Variants in COA6 observed in about 807,000 individuals in gnomAD.
The protein encoded by COA6 is cytochrome c oxidase assembly factor 6 homolog.
Under a neutral mutation model 17.1 loss-of-function variants are expected in COA6, and 12 were observed. That is an observed-to-expected ratio of 0.70 (90% CI 0.45 to 1.14). The LOEUF is 1.14. Among genes scored for constraint, COA6 ranks in the 50% most tolerant of loss-of-function variants. The pLI, the probability that COA6 is intolerant of heterozygous loss-of-function variation, is 0.00. For synonymous variants in COA6, 90 were observed against 73.4 expected, an observed-to-expected ratio of 1.23 and a Z score of -1.16; for missense variants, 246 against 196.5, an observed-to-expected ratio of 1.25 and a Z score of -1.51.
intron 2 of COA6, among the ~76,000 whole-genome samples, chr1:234,376,754 A>G (rs1371049592): frequency 1.3e-5 from 2 of 152,138 alleles, no homozygotes; most frequent in Non-Finnish European, 2.9e-5. Flanking sequence ...CAGTTCCTTC[A>G]TTCGCGTCTA....
chr1:234,378,452 T>A (rs1228694242), intron 2 of COA6, among the ~76,000 whole-genome samples: 1 of 152,164 alleles, frequency 6.6e-6, no homozygotes, highest in Non-Finnish European at 1.5e-5. Flanking sequence ...CAGGTTTAAG[T>A]AGGATGGTCA....
At chr1:234,378,864 CTGGT>C (rs922489978) in intron 2 of COA6, among the ~76,000 whole-genome samples, 1 of 151,186 alleles carries the variant, frequency 6.6e-6, no homozygotes, top group African/African-American at 2.4e-5. Flanking sequence ...GTACAAGACT[CTGGT>C]TTTTTTTTCT....
At position 234,383,805 on chromosome 1, in the gene COA6, C is replaced by T; in HGVS notation, c.455C>T (p.Thr152Ile). ...EAGQFEPSETTAKS is the reference protein window; with the variant it reads ...EAGQFEPSETIAKS ...GGACAATTTGAGCCTTCAGAAACAACTGCAAAATCCTAGGCTGTTCATAAA... is the reference window on the plus strand; with the variant it reads ...GGACAATTTGAGCCTTCAGAAACAATTGCAAAATCCTAGGCTGTTCATAAA... Residue 152 changes from threonine (T) to isoleucine (I), a missense_variant, in exon 3 of 3, where the codon ACT becomes ATT. By Grantham distance (89) the Thr-to-Ile change is moderately conservative. Transcript: ENST00000366615. 2.6e-6 allele frequency: 4 copies of T among 1,557,908 alleles called. No homozygotes were observed. The highest frequency in any genetic ancestry group is 3.5e-6 in the Non-Finnish European group (4 of 1,132,466).
At chr1:234,376,790 T>G (rs974443447) in intron 2 of COA6, among the ~76,000 whole-genome samples, 2 of 152,196 alleles carry the variant, frequency 1.3e-5, no homozygotes, top group African/African-American at 4.8e-5. Context: ...TGGAATGCCT[T>G]GCTGTGAGTC....
At position 234,373,609 on chromosome 1, in the gene COA6, G is replaced by C; in HGVS notation, c.143G>C (p.Arg48Pro). ...GRTRHRALHR[R>P]LVACVTVSSR... ...ACTCGGCACCGCGCCCTCCACCGCC[G>C]GTTGGTGGCCTGCGTGACAGTTTCC... is the stretch of plus-strand genomic sequence containing the variant. The change falls in exon 1 of 3, where the codon CGG becomes CCG. Residue 48 changes from arginine to proline, a missense_variant. Transcript: ENST00000366615. 1.2e-6 allele frequency: 2 copies of C among 1,612,784 alleles called. No individual in the cohort carries two copies. The highest frequency in any genetic ancestry group is 1.7e-6 in the Non-Finnish European group (2 of 1,179,636).
intron 2 of COA6, among the ~76,000 whole-genome samples, chr1:234,383,064 G>GAGGAGGGAGGGAAGGAAGGGA (rs1659023132): frequency 8.9e-6 from 1 of 112,426 alleles, no homozygotes; most frequent in Non-Finnish European, 1.9e-5. Flanking sequence ...GGGAGGGAGG[G>GAGGAGGGAGGGAAGGAAGGGA]AGGGAAGGGA....
chr1:234,374,145 G>A (rs889319898), intron 1 of COA6, 85 bp from the exon 2 acceptor site: 55 of 1,184,654 alleles, frequency 4.6e-5, no homozygotes, highest in Non-Finnish European at 6.3e-5. Context: ...TAAAGGAAGA[G>A]GAGATTGACG....
At position 234,383,998 on chromosome 1, in the gene COA6, TAAG is replaced by T. The variant is rs997038225; in HGVS notation, c.*183_*185del. 2 of 447,226 alleles carry T rather than the reference TAAG, an allele frequency of 4.5e-6. No individual in the cohort carries two copies. The highest frequency in any genetic ancestry group is 4.1e-5 in the African/African-American group (2 of 49,288). The allele number at this position is 447,226 out of a possible 1,614,324, so 27.7% of individuals were successfully genotyped here. A position where few individuals can be genotyped will look rare whatever the true frequency, so the allele number is the denominator to read the frequency against. On this transcript the variant is annotated 3_prime_UTR_variant, in exon 3 of 3. Transcript: ENST00000366615. The stretch of plus-strand genomic sequence containing the variant: ...AGAAATGAAATAAAATGGTATTTAG[TAAG>T]AAATCTCTATTTTAAGAAAAAAAGT...
chr1:234,373,828 C>T, intron 1 of COA6, 150 bp downstream of exon 1: 1 of 1,613,588 alleles, frequency 6.2e-7, no homozygotes. Context: ...ACACCTGTTT[C>T]TACAGCGCTT....
In COA6 at chr1:234,384,971, A is replaced by G. The variant is rs1475657285; in HGVS notation, c.*1153A>G. Among the ~76,000 whole-genome samples the G allele has an allele frequency of 1.4e-4, 21 of 152,218 alleles. No homozygotes were observed. The highest frequency in any genetic ancestry group is 1.4e-3 in the Admixed American group (21 of 15,280). ...TCCAGTACACATAGAAGTTATGTTT[A>G]TACTGTTGTCTAGTAAGTGTGCAAT... On this transcript the variant is annotated 3_prime_UTR_variant, in exon 3 of 3. Transcript: ENST00000366615.
At chr1:234,377,391 C>G (rs144940432) in intron 2 of COA6, among the ~76,000 whole-genome samples, 44 of 152,226 alleles carry the variant, frequency 2.9e-4, no homozygotes, top group African/African-American at 1.0e-3. Context: ...TCCCAAAGTG[C>G]TGGGATTACA....
chr1:234,374,437 G>C lies in COA6; in HGVS notation c.372+48G>C, dbSNP rs772205050. The C allele has an allele frequency of 8.2e-6, 13 of 1,588,148 alleles. No individual in the cohort carries two copies. In the South Asian group the frequency reaches 1.5e-4, roughly 18 times the overall value. ...TCTCTTCCCTGTTAAGATACATCGA[G>C]CTTATACTGTGAGTGGTAGGCTGAC... On this transcript the variant is annotated intron_variant, in intron 2 of 2. Coordinates refer to ENST00000366615, the MANE Select transcript of COA6 (RefSeq NM_001206641.3).
chr1:234,376,103 C>T (rs76476009), intron 2 of COA6, among the ~76,000 whole-genome samples: 3,912 of 152,240 alleles, frequency 0.026, 72 homozygotes, highest in Non-Finnish European at 0.04. Context: ...TAGATAATGA[C>T]TCCAGAAGAA....
At chr1:234,379,844 A>G (rs901992942) in intron 2 of COA6, among the ~76,000 whole-genome samples, 1 of 152,140 alleles carries the variant, frequency 6.6e-6, no homozygotes, top group African/African-American at 2.4e-5. Context: ...AGCGTGGGAG[A>G]AACTACCCCG....
At chr1:234,379,196 C>T (rs1658898999) in intron 2 of COA6, among the ~76,000 whole-genome samples, 1 of 151,558 alleles carries the variant, frequency 6.6e-6, no homozygotes, top group Non-Finnish European at 1.5e-5. Flanking sequence ...GGTGCTTTTA[C>T]TCTTAGTAAT....
intron 2 of COA6, among the ~76,000 whole-genome samples, chr1:234,374,857 T>C (rs1658742263): frequency 6.6e-6 from 1 of 152,094 alleles, no homozygotes; most frequent in Non-Finnish European, 1.5e-5. Flanking sequence ...GTGGATTCTG[T>C]CTCCCTGACA....
rs2752 is a variant in COA6, at chr1:234,378,125, C to T, written c.372+3736C>T. ...GTACATTCACGTGTTTTGTAAAAAG[C>T]GTATTTATTAAAGTTCAAGAACACA... On this transcript the variant is annotated intron_variant, in intron 2 of 2. Transcript: ENST00000366615. 2.6e-5 allele frequency among the ~76,000 whole-genome samples: 4 copies of T among 152,046 alleles called. No individual in the cohort carries two copies. The South Asian group carries it at 8.3e-4, about 32-fold the overall frequency.
chr1:234,383,597 C>CACACACACACAA, intron 2 of COA6, 126 bp from the exon 3 acceptor site: 2 of 582,450 alleles, frequency 3.4e-6, no homozygotes, highest in Non-Finnish European at 6.2e-6. Context: ...CACACACACA[C>CACACACACACAA]AAAATGGTTC....
chr1:234,373,923 G>A, intron 1 of COA6: 2 of 1,478,322 alleles, frequency 1.4e-6, no homozygotes, highest in Non-Finnish European at 1.8e-6. Context: ...TAAATGAGCT[G>A]CCCTAAGCGA....
Sources: allele counts gnomAD v4.1 joint callset (sites outside exome capture counted in the v4.1 genomes callset), GRCh38; gene constraint gnomAD v4.1.1; transcripts MANE v1.5; gene names NCBI Gene and HGNC (gene_info 2026-07-23, HGNC 2026-07-21).